The following TMPRSS4 variants were observed in gnomAD, a reference collection of about 807,000 sequenced individuals.
TMPRSS4 encodes the protein transmembrane serine protease 4, also known as transmembrane protease serine 4.
A neutral mutation model predicts 56.4 loss-of-function variants in TMPRSS4; 45 were observed. The ratio of observed to expected loss-of-function variants is 0.80; its 90% CI spans 0.63 to 1.02. The LOEUF is 1.02. TMPRSS4 is among the 50% of genes least tolerant of loss of function. The pLI, the probability that TMPRSS4 is intolerant of heterozygous loss-of-function variation, is 0.00. For synonymous variants in TMPRSS4, 205 were observed against 211.0 expected, an observed-to-expected ratio of 0.97 and a Z score of 0.25; for missense variants, 546 against 556.7, an observed-to-expected ratio of 0.98 and a Z score of 0.19.
chr11:118,079,584 G>A (rs1057276700), intron 1 of TMPRSS4, among the ~76,000 whole-genome samples: 2 of 152,272 alleles, frequency 1.3e-5, no homozygotes, highest in African/African-American at 2.4e-5. Context: ...TTACTGTTCC[G>A]GAGACCTAAA....
chr11:118,092,894 C>T (rs1946057866), intron 1 of TMPRSS4, among the ~76,000 whole-genome samples: 1 of 152,218 alleles, frequency 6.6e-6, no homozygotes, highest in Admixed American at 6.5e-5. Context: ...GAGAGCCCAG[C>T]ATTTCCCACC....
At chr11:118,083,986 C>A (rs560068103) in intron 1 of TMPRSS4, among the ~76,000 whole-genome samples, 1 of 151,996 alleles carries the variant, frequency 6.6e-6, no homozygotes, top group South Asian at 2.1e-4. Flanking sequence ...TGCAGTGAGC[C>A]GAGACAGCGC....
At chr11:118,102,112 T>A (rs1046450375) in intron 3 of TMPRSS4, among the ~76,000 whole-genome samples, 1 of 152,116 alleles carries the variant, frequency 6.6e-6, no homozygotes, top group Admixed American at 6.6e-5. Flanking sequence ...CACTGAGGTA[T>A]AAAGCCCAGC....
intron 3 of TMPRSS4, among the ~76,000 whole-genome samples, chr11:118,099,625 G>A (rs1591381915): frequency 1.3e-5 from 2 of 152,160 alleles, no homozygotes; most frequent in East Asian, 3.9e-4. Context: ...GGAGAGCACA[G>A]TGGCATATGT....
chr11:118,098,509 C>T (rs1296462086), intron 2 of TMPRSS4, among the ~76,000 whole-genome samples: 1 of 152,226 alleles, frequency 6.6e-6, no homozygotes, highest in East Asian at 1.9e-4. Flanking sequence ...CATTGATTCA[C>T]AAGTATTTAT....
At chr11:118,123,123 C>T (rs938442892), downstream of TMPRSS4, among the ~76,000 whole-genome samples, 1 of 152,078 alleles carries the variant, frequency 6.6e-6, no homozygotes, top group Non-Finnish European at 1.5e-5. Flanking sequence ...CATGAATGGA[C>T]TAAGACCACA....
Position 118,117,306 on chromosome 11 carries a change from G to A in TMPRSS4, c.1154G>A (p.Gly385Asp), listed in dbSNP as rs1246849856. Residue 385 changes from glycine (G) to aspartate (D), a missense_variant and splice_region_variant, in exon 12 of 13, where the codon GGT becomes GAT. Transcript: ENST00000437212. ...IPEGGVDTCQ[G>D]DSGGPLMYQS... ...AGTCTCTGTTCTGGTCTCTCACAGG[G>A]TGACAGTGGTGGGCCCCTGATGTAC... 19 of 1,613,964 alleles carry A rather than the reference G, an allele frequency of 1.2e-5. No homozygotes were observed. The East Asian group carries it at 4.0e-4, about 34-fold the overall frequency.
intron 7 of TMPRSS4, among the ~76,000 whole-genome samples, chr11:118,111,356 G>T (rs556974601): frequency 6.6e-6 from 1 of 152,314 alleles, no homozygotes; most frequent in Non-Finnish European, 1.5e-5. Flanking sequence ...TAGCTTGTGG[G>T]TGTCTGTTTA....
intron 4 of TMPRSS4, among the ~76,000 whole-genome samples, chr11:118,103,936 G>A (rs1004357514): frequency 9.9e-5 from 15 of 152,252 alleles, no homozygotes; most frequent in Middle Eastern, 3.4e-3. Context: ...CAGCCACTTC[G>A]CCAGCTATTG....
Position 118,115,198 on chromosome 11 carries a change from A to G in TMPRSS4, c.1070A>G (p.Asn357Ser). The G allele has an allele frequency of 6.2e-7, 1 of 1,612,888 alleles. No homozygotes were observed. Among genetic ancestry groups the G allele is most frequent in the South Asian group, 1.1e-5 (1 of 90,276 alleles). The change falls in exon 11 of 13, where the codon AAT becomes AGT. Residue 357 changes from asparagine to serine, a missense_variant. By Grantham distance (46) the Asn-to-Ser change is conservative. Coordinates refer to ENST00000437212, the MANE Select transcript of TMPRSS4 (RefSeq NM_019894.4). ...CAGGTCATTGACAGCACACGGTGCA[A>G]TGCAGACGATGCGTACCAGGGGGAA... ...SVQVIDSTRCNADDAYQGEVT... is the reference protein window; with the variant it reads ...SVQVIDSTRCSADDAYQGEVT...
In TMPRSS4 at chr11:118,114,898, T is replaced by C. The variant is rs770833531; in HGVS notation, c.980T>C (p.Ile327Thr). Residue 327 changes from isoleucine to threonine, a missense_variant, in exon 10 of 13, where the codon ATT (isoleucine) becomes ACT (threonine). By Grantham distance (89) the Ile-to-Thr change is moderately conservative. Coordinates refer to ENST00000437212, the MANE Select transcript of TMPRSS4 (RefSeq NM_019894.4). ...ELTPATPLWI[I>T]GWGFTKQNGG... ...ACTCCAGCCACCCCACTCTGGATCA[T>C]TGGATGGGGCTTTACGAAGCAGAAT... The C allele has an allele frequency of 3.1e-5, 50 of 1,606,672 alleles. No individual in the cohort carries two copies. Among genetic ancestry groups the C allele is most frequent in the Middle Eastern group, 1.7e-4 (1 of 5,890 alleles).
chr11:118,108,857 C>A lies in TMPRSS4; in HGVS notation c.544C>A (p.Pro182Thr). The A allele has an allele frequency of 6.2e-7, 1 of 1,614,100 alleles. No individual in the cohort carries two copies. Among genetic ancestry groups the A allele is most frequent in the Non-Finnish European group, 8.5e-7 (1 of 1,179,988 alleles). Residue 182 changes from proline (P) to threonine (T), a missense_variant and splice_region_variant, in exon 7 of 13, where the codon CCC (proline) becomes ACC (threonine). Transcript: ENST00000437212. ...CAGGGCGCTGTGTCTGTCTTCCAGG[C>A]CCTGTCTCTCAGGCTCCCTGGTCTC... is the stretch of plus-strand genomic sequence containing the variant. Reference protein sequence around the residue: ...QELRMRNSSGPCLSGSLVSLH... With the variant: ...QELRMRNSSGTCLSGSLVSLH...
At chr11:118,080,339 G>C (rs1235093007) in intron 1 of TMPRSS4, among the ~76,000 whole-genome samples, 1 of 152,198 alleles carries the variant, frequency 6.6e-6, no homozygotes, top group Non-Finnish European at 1.5e-5. Context: ...CAGCAAGAAA[G>C]AGTGGTAGTA....
chr11:118,103,187 G>A lies in TMPRSS4; in HGVS notation c.244G>A (p.Asp82Asn). ...GAAGCAGCTGTGTGACGGAGAGCTG[G>A]ACTGTCCCTTGGGGGAGGACGAGGA... ...PRKQLCDGEL[D>N]CPLGEDEEHC... Residue 82 changes from aspartate (D) to asparagine (N), a missense_variant, in exon 4 of 13, where the codon GAC (aspartate) becomes AAC (asparagine). Physicochemically the swap from Asp to Asn is conservative, Grantham distance 23. Transcript: ENST00000437212. 4 of 1,614,236 alleles carry A rather than the reference G, an allele frequency of 2.5e-6. No individual in the cohort carries two copies. The highest frequency in any genetic ancestry group is 3.4e-6 in the Non-Finnish European group (4 of 1,180,048).
intron 7 of TMPRSS4, among the ~76,000 whole-genome samples, chr11:118,111,120 G>A (rs1005400857): frequency 6.6e-6 from 1 of 152,298 alleles, no homozygotes; most frequent in Non-Finnish European, 1.5e-5. Context: ...ATCTGTGCAT[G>A]GCTCCACAAC....
intron 7 of TMPRSS4, 75 bp downstream of exon 7, chr11:118,108,971 C>A: frequency 6.5e-7 from 1 of 1,536,718 alleles, no homozygotes; most frequent in Non-Finnish European, 8.9e-7. Context: ...CATCTTCACT[C>A]CTAAATTTCT....
chr11:118,079,596 G>A (rs1016275377), intron 1 of TMPRSS4, among the ~76,000 whole-genome samples: 4 of 152,174 alleles, frequency 2.6e-5, no homozygotes, highest in Admixed American at 1.3e-4. Flanking sequence ...AGACCTAAAC[G>A]CACCCTGAGC....
intron 4 of TMPRSS4, among the ~76,000 whole-genome samples, chr11:118,104,058 TGGG>T (rs61537963): frequency 0.056 from 8,489 of 152,242 alleles, 591 homozygotes; most frequent in African/African-American, 0.16. Context: ...TCTCTTGGGC[TGGG>T]CTCTTCTACC....
In TMPRSS4 at chr11:118,099,072, C is replaced by G. The variant is rs148550252; in HGVS notation, c.131C>G (p.Ala44Gly). ...ATCATCATAGCACTACTGAGCCTGG[C>G]GAGTATCATCATTGTGGTTGTCCTC... The part of the protein sequence containing the change: ...IPIIIALLSL[A>G]SIIIVVVLIK... The change falls in exon 3 of 13, where the codon GCG (alanine) becomes GGG (glycine). Residue 44 changes from alanine to glycine, a missense_variant. Ala to Gly is a moderately conservative substitution (Grantham distance 60). Transcript: ENST00000437212. The G allele has an allele frequency of 6.2e-7, 1 of 1,613,862 alleles. No individual in the cohort carries two copies. Among genetic ancestry groups the G allele is most frequent in the Non-Finnish European group, 8.5e-7 (1 of 1,179,894 alleles).
Sources: gnomAD v4.1 joint callset for allele counts (sites outside exome capture counted in the v4.1 genomes callset) on GRCh38, gnomAD v4.1.1 for gene constraint, MANE v1.5 for transcripts, NCBI Gene and HGNC (gene_info 2026-07-23, HGNC 2026-07-21) for gene names.